The following SUSD2 variants were observed in gnomAD, a reference collection of about 807,000 sequenced individuals.
SUSD2 encodes the protein sushi domain-containing protein 2.
A neutral mutation model predicts 93.8 loss-of-function variants in SUSD2; 86 were observed. That is an observed-to-expected ratio of 0.92 (90% CI 0.77 to 1.10). The LOEUF (loss-of-function observed/expected upper bound fraction) is 1.10. Ranked by LOEUF, SUSD2 falls within the 50% of genes least tolerant of loss-of-function variation. SUSD2 has a pLI of 0.00. For missense variants in SUSD2, 1,060 were observed against 1,137.0 expected (o/e 0.93, Z 0.97); for synonymous variants, 483 against 485.0 (o/e 1.00, Z 0.05).
In SUSD2 at chr22:24,183,575, G is replaced by A. The variant is rs770566863; in HGVS notation, c.368G>A (p.Ser123Asn). 1.2e-6 allele frequency: 2 copies of A among 1,613,328 alleles called. No homozygotes were observed. Among genetic ancestry groups the A allele is most frequent in the South Asian group, 1.1e-5 (1 of 91,092 alleles). Residue 123 changes from serine (S) to asparagine (N), a missense_variant, in exon 3 of 15, where the codon AGC (serine) becomes AAC (asparagine). By Grantham distance (46) the Ser-to-Asn change is conservative. Coordinates refer to ENST00000358321, the MANE Select transcript of SUSD2 (RefSeq NM_019601.4). ...TGTGTGTCACCTCTGCTCTATGAGA[G>A]CGGCCGCATCCCCTTCACTGTGTCA... ...VHCVSPLLYE[S>N]GRIPFTVSLD...
In SUSD2 at chr22:24,187,584, T is replaced by C; in HGVS notation, c.1905T>C (p.Asn635=). 2.5e-6 allele frequency: 4 copies of C among 1,612,690 alleles called. No individual in the cohort carries two copies. Among genetic ancestry groups the C allele is most frequent in the Non-Finnish European group, 2.5e-6 (3 of 1,179,100 alleles). The change falls in exon 12 of 15, where the codon AAT becomes AAC. Residue 635 remains asparagine (N), a synonymous_variant. Coordinates refer to ENST00000358321, the MANE Select transcript of SUSD2 (RefSeq NM_019601.4). The part of the protein sequence containing the change: ...FLFGANWTVH[N]ASSLLTYDSW... ...TGTATCTTCCAGGGACCGTGCACAA[T>C]GCGTCCTCCCTGCTCACCTACGATT...
At position 24,187,721 on chromosome 22, in the gene SUSD2, A is replaced by G. The variant is rs368163212; in HGVS notation, c.2042A>G (p.Lys681Arg). ...CCCAGCCTGGCACAAGAGGCAGCCA[A>G]ACTATGTGGGGACGATCATTTCTGC... ...LNPSLAQEAA[K>R]LCGDDHFCNF... Residue 681 changes from lysine to arginine, a missense_variant, in exon 12 of 15, where the codon AAA (lysine) becomes AGA (arginine). Around this residue, in one of 2 missense-constraint regions of SUSD2, gnomAD observed 973 missense variants for 1,005.3 expected, o/e 0.97. Coordinates refer to ENST00000358321, the MANE Select transcript of SUSD2 (RefSeq NM_019601.4). 181 of 1,613,922 alleles carry G rather than the reference A, an allele frequency of 1.1e-4. No homozygotes were observed. Among genetic ancestry groups the G allele is most frequent in the Non-Finnish European group, 1.5e-4 (179 of 1,180,032 alleles).
At position 24,187,262 on chromosome 22, in the gene SUSD2, G is replaced by T. The variant is rs116619200; in HGVS notation, c.1703G>T (p.Gly568Val). 6 of 1,614,012 alleles carry T rather than the reference G, an allele frequency of 3.7e-6. No homozygotes were observed. The highest frequency in any genetic ancestry group is 5.1e-6 in the Non-Finnish European group (6 of 1,180,014). The change falls in exon 11 of 15, where the codon GGC becomes GTC. Residue 568 changes from glycine to valine, a missense_variant. Gly to Val is a moderately radical substitution (Grantham distance 109). Transcript: ENST00000358321. Reference sequence around the variant, plus strand: ...TCCATCATGCTGGCATCAGGGGCCGGCCTGGAGGTCAGCGTGCAGGGCCCG... The same window carrying T: ...TCCATCATGCTGGCATCAGGGGCCGTCCTGGAGGTCAGCGTGCAGGGCCCG... ...RVSIMLASGA[G>V]LEVSVQGPFL...
rs376237329 is a variant in SUSD2 at position 24,187,284 on chromosome 22, C to T, written c.1725C>T (p.Gly575=). 1.2e-6 allele frequency: 2 copies of T among 1,614,088 alleles called. No individual in the cohort carries two copies. The highest frequency in any genetic ancestry group is 1.7e-6 in the Non-Finnish European group (2 of 1,180,014). ...SGAGLEVSVQ[G]PFLSVSVLLP... ...CCGGCCTGGAGGTCAGCGTGCAGGG[C>T]CCGTTCCTGAGTGTGTCCGTCCTGC... is the stretch of plus-strand genomic sequence containing the variant. The change falls in exon 11 of 15, where the codon GGC becomes GGT. Residue 575 remains glycine, a synonymous_variant. Transcript: ENST00000358321.
At position 24,187,371 on chromosome 22, in the gene SUSD2, C is replaced by A. The variant is rs768137061; in HGVS notation, c.1812C>A (p.Thr604=). 6.2e-7 allele frequency: 1 copy of A among 1,614,038 alleles called. No individual in the cohort carries two copies. The highest frequency in any genetic ancestry group is 8.5e-7 in the Non-Finnish European group (1 of 1,180,022). The change falls in exon 11 of 15, where the codon ACC becomes ACA. Residue 604 remains threonine (T), a synonymous_variant. Coordinates refer to ENST00000358321, the MANE Select transcript of SUSD2 (RefSeq NM_019601.4). ...GLLGTLNNDP[T]DDFTLHSGRV... ...TCGGGACACTCAACAACGACCCCAC[C>A]GACGACTTCACCCTGCACAGCGGGC...
At chr22:24,184,649 C>A in intron 4 of SUSD2, 117 bp from the exon 5 acceptor site, 1 of 836,572 alleles carries the variant, frequency 1.2e-6, no homozygotes. Context: ...AGAACAGCCC[C>A]TCCTAAGGGG....
chr22:24,187,966 C>A lies in SUSD2; in HGVS notation c.2172C>A (p.Ser724=), dbSNP rs2047381760. ...ACTCTGTCCCCATCCCAGTGGTGTCCTGTGGCTGGCTGGCCCCACCTCCCA... is the reference window on the plus strand; with the variant it reads ...ACTCTGTCCCCATCCCAGTGGTGTCATGTGGCTGGCTGGCCCCACCTCCCA... ...RRMQSLQPVV[S]CGWLAPPPNG... The change falls in exon 13 of 15, where the codon TCC becomes TCA. Residue 724 remains serine (S), a synonymous_variant. Transcript: ENST00000358321. 1 of 1,612,656 alleles carries A rather than the reference C, an allele frequency of 6.2e-7. No homozygotes were observed. The highest frequency in any genetic ancestry group is 1.3e-5 in the African/African-American group (1 of 74,930).
rs767944522 is a variant in SUSD2, at chr22:24,184,245, T to C, written c.549T>C (p.His183=). ...NTSGNLSLTW[H]VKSLPTQTIT... ...CAGGCAACCTCAGCCTGACCTGGCA[T>C]GTCAAGTCGCTGCCCACGCAGACCA... is the stretch of plus-strand genomic sequence containing the variant. Residue 183 remains histidine (H), a synonymous_variant, in exon 4 of 15, where the codon CAT becomes CAC. Transcript: ENST00000358321. 1.2e-5 allele frequency: 20 copies of C among 1,613,712 alleles called. No individual in the cohort carries two copies. Among genetic ancestry groups the C allele is most frequent in the Non-Finnish European group, 1.5e-5 (18 of 1,180,008 alleles).
rs759978103 is a variant in SUSD2, at chr22:24,185,271, C to T, written c.960C>T (p.Ala320=). The change falls in exon 6 of 15, where the codon GCC becomes GCT. Residue 320 remains alanine, a synonymous_variant. Transcript: ENST00000358321. The part of the protein sequence containing the change: ...LPDCPCTLTQ[A]RADSGRFFTD... ...ACTGCCCCTGCACCCTGACCCAGGC[C>T]CGGGCTGACTCCGGCCGCTTCTTCG... is the stretch of plus-strand genomic sequence containing the variant. 7.5e-6 allele frequency: 12 copies of T among 1,605,406 alleles called. No homozygotes were observed. The Admixed American group carries it at 2.0e-4, about 27-fold the overall frequency.
In SUSD2 at chr22:24,184,259, C is replaced by T. The variant is rs1265729880; in HGVS notation, c.563C>T (p.Pro188Leu). The change falls in exon 4 of 15, where the codon CCC becomes CTC. Residue 188 changes from proline (P) to leucine (L), a missense_variant. Pro to Leu is a moderately conservative substitution (Grantham distance 98, BLOSUM62 -3). Transcript: ENST00000358321. Reference protein sequence around the residue: ...LSLTWHVKSLPTQTITIELWG... With the variant: ...LSLTWHVKSLLTQTITIELWG... Reference sequence around the variant, plus strand: ...CTGACCTGGCATGTCAAGTCGCTGCCCACGCAGACCATCACCATCGAACTG... The same window carrying T: ...CTGACCTGGCATGTCAAGTCGCTGCTCACGCAGACCATCACCATCGAACTG... The T allele has an allele frequency of 1.9e-6, 3 of 1,613,544 alleles. No homozygotes were observed. Among genetic ancestry groups the T allele is most frequent in the Non-Finnish European group, 2.5e-6 (3 of 1,180,018 alleles).
At position 24,187,606 on chromosome 22, in the gene SUSD2, G is replaced by T. The variant is rs114116915; in HGVS notation, c.1927G>T (p.Asp643Tyr). The T allele has an allele frequency of 1.2e-6, 2 of 1,613,770 alleles. No homozygotes were observed. The highest frequency in any genetic ancestry group is 2.2e-5 in the East Asian group (1 of 44,858). Reference protein sequence around the residue: ...VHNASSLLTYDSWFLVHNFLY... With the variant: ...VHNASSLLTYYSWFLVHNFLY... ...CAATGCGTCCTCCCTGCTCACCTAC[G>T]ATTCCTGGTTCCTGGTCCACAACTT... The change falls in exon 12 of 15, where the codon GAT becomes TAT. Residue 643 changes from aspartate (D) to tyrosine (Y), a missense_variant. Asp to Tyr is a radical substitution (Grantham distance 160). Transcript: ENST00000358321.
At chr22:24,181,896 T>C (rs1658562724) in intron 1 of SUSD2, among the ~76,000 whole-genome samples, 1 of 152,158 alleles carries the variant, frequency 6.6e-6, no homozygotes, top group Non-Finnish European at 1.5e-5. Context: ...GGAGCCAGGA[T>C]TGTGGGTCCT....
chr22:24,188,442 G>A lies in SUSD2; in HGVS notation c.*6G>A, dbSNP rs564608805. The A allele has an allele frequency of 3.1e-6, 5 of 1,609,268 alleles. No individual in the cohort carries two copies. The Admixed American group carries it at 8.3e-5, about 27-fold the overall frequency. ...TCTGGGGTGCACAGCCCTGATGGGA[G>A]CAGCTTGGCTGTGAGCACCAGGCCA... On this transcript the variant is annotated 3_prime_UTR_variant, in exon 15 of 15. Transcript: ENST00000358321. This position sits in a 1 kb window ranked among gnomAD's most constrained non-coding sequence, Gnocchi z 4.7.
At position 24,181,488 on chromosome 22, in the gene SUSD2, C is replaced by G. The variant is rs1476049957; in HGVS notation, c.-32C>G. On this transcript the variant is annotated 5_prime_UTR_variant, in exon 1 of 15. Coordinates refer to ENST00000358321, the MANE Select transcript of SUSD2 (RefSeq NM_019601.4). ...GTCTGGCCGCCTCGCCTCGGAGCCA[C>G]TGCACTGCTGGCTGCAGACACAGGC... 2 of 1,524,722 alleles carry G rather than the reference C, an allele frequency of 1.3e-6. No homozygotes were observed. Among genetic ancestry groups the G allele is most frequent in the Non-Finnish European group, 1.8e-6 (2 of 1,133,620 alleles). The allele number at this position is 1,524,722 out of a possible 1,614,324, so 94.4% of individuals were successfully genotyped here.
Position 24,187,813 on chromosome 22 carries a change from C to G in SUSD2, c.2134C>G (p.His712Asp). The G allele has an allele frequency of 6.2e-7, 1 of 1,613,192 alleles. No individual in the cohort carries two copies. The highest frequency in any genetic ancestry group is 8.5e-7 in the Non-Finnish European group (1 of 1,179,744). ...GTATRVAHQLHQRRMQSLQPV... is the reference protein window; with the variant it reads ...GTATRVAHQLDQRRMQSLQPV... Reference sequence around the variant, plus strand: ...TGCCACTCGGGTGGCCCACCAGCTGCACCAGCGTCGCATGCAGAGCCTGCA... The same window carrying G: ...TGCCACTCGGGTGGCCCACCAGCTGGACCAGCGTCGCATGCAGAGCCTGCA... Residue 712 changes from histidine to aspartate, a missense_variant, in exon 12 of 15, where the codon CAC (histidine) becomes GAC (aspartate). Physicochemically the swap from His to Asp is moderately conservative, Grantham distance 81. This residue lies in a region of SUSD2 where 973 missense variants were observed against 1,005.3 expected (regional missense o/e 0.97). Coordinates refer to ENST00000358321, the MANE Select transcript of SUSD2 (RefSeq NM_019601.4).
In SUSD2 at chr22:24,184,656, G is replaced by A. The variant is rs530943733; in HGVS notation, c.608-110G>A. On this transcript the variant is annotated intron_variant, in intron 4 of 14. Coordinates refer to ENST00000358321, the MANE Select transcript of SUSD2 (RefSeq NM_019601.4). ...TCCCTGCTAGAACAGCCCCTCCTAA[G>A]GGGACCGCCTGGCGGTCCATCCACC... 3 of 901,294 alleles carry A rather than the reference G, an allele frequency of 3.3e-6. No homozygotes were observed. In the East Asian group the frequency reaches 7.6e-5, roughly 23 times the overall value. 55.8% of individuals were successfully genotyped at this position (901,294 alleles called of 1,614,324 possible).
At position 24,186,090 on chromosome 22, in the gene SUSD2, G is replaced by C. The variant is rs556824295; in HGVS notation, c.1414G>C (p.Val472Leu). 1 of 1,612,784 alleles carries C rather than the reference G, an allele frequency of 6.2e-7. No individual in the cohort carries two copies. ...NFTFNGRGEY[V>L]LLEAALTDLR... ...CACATTCAATGGGCGCGGAGAGTAC[G>C]TGCTGCTGGAGGCAGCGCTGACCGA... The change falls in exon 9 of 15, where the codon GTG (valine) becomes CTG (leucine). Residue 472 changes from valine (V) to leucine (L), a missense_variant. Physicochemically the swap from Val to Leu is conservative, Grantham distance 32. This residue lies in a region of SUSD2 where 973 missense variants were observed against 1,005.3 expected (regional missense o/e 0.97). Coordinates refer to ENST00000358321, the MANE Select transcript of SUSD2 (RefSeq NM_019601.4).
rs536434411 is a variant in SUSD2, at chr22:24,187,706, C to T, written c.2027C>T (p.Ala676Val). ...PSETTLNPSL[A>V]QEAAKLCGDD... is the part of the protein sequence containing the mutation. Reference sequence around the variant, plus strand: ...GAGACCACCCTCAACCCCAGCCTGGCACAAGAGGCAGCCAAACTATGTGGG... The same window carrying T: ...GAGACCACCCTCAACCCCAGCCTGGTACAAGAGGCAGCCAAACTATGTGGG... The change falls in exon 12 of 15, where the codon GCA becomes GTA. Residue 676 changes from alanine (A) to valine (V), a missense_variant. Physicochemically the swap from Ala to Val is moderately conservative, Grantham distance 64. Transcript: ENST00000358321. 2.5e-6 allele frequency: 4 copies of T among 1,614,114 alleles called. No individual in the cohort carries two copies. In the African/African-American group the frequency reaches 5.3e-5, roughly 22 times the overall value.
rs755490777 is a variant in SUSD2, at chr22:24,185,119, G to A, written c.808G>A (p.Asp270Asn). ...QKDVQALWTN[D>N]HALAWHLSDD... The stretch of plus-strand genomic sequence containing the variant: ...GGACGTGCAGGCGCTCTGGACCAAC[G>A]ACCACGCACTGGCCTGGCACCTGAG... The change falls in exon 6 of 15, where the codon GAC becomes AAC. Residue 270 changes from aspartate to asparagine, a missense_variant. Asp to Asn is a conservative substitution (Grantham distance 23, BLOSUM62 1). Coordinates refer to ENST00000358321, the MANE Select transcript of SUSD2 (RefSeq NM_019601.4). 4.6e-5 allele frequency: 74 copies of A among 1,612,884 alleles called. No homozygotes were observed. In the East Asian group the frequency reaches 5.4e-4, roughly 12 times the overall value.
Sources: allele counts gnomAD v4.1 joint callset (sites outside exome capture counted in the v4.1 genomes callset), GRCh38; gene constraint gnomAD v4.1.1; regional missense constraint gnomAD v4.1.1; non-coding constraint Gnocchi (gnomAD v3.1); transcripts MANE v1.5; gene names NCBI Gene and HGNC (gene_info 2026-07-23, HGNC 2026-07-21).